GNAO1: variants seen among roughly 807,000 people sequenced by gnomAD.
GNAO1 encodes the protein G protein subunit alpha o1.
For missense variants in GNAO1, 166 were observed against 478.7 expected, an observed-to-expected ratio of 0.35 and a Z score of 6.10; for synonymous variants, 164 against 180.7, an observed-to-expected ratio of 0.91 and a Z score of 0.74.
chr16:56,192,723 C>T (rs1567432148), intron 2 of GNAO1, 107 bp downstream of exon 2: 1 of 621,060 alleles, frequency 1.6e-6, no homozygotes, highest in African/African-American at 2.4e-5. Context: ...TTTTTTAATT[C>T]GTGCACACAC....
intron 2 of GNAO1, among the ~76,000 whole-genome samples, chr16:56,212,523 C>T (rs1378694059): frequency 2.0e-5 from 3 of 152,130 alleles, no homozygotes; most frequent in Non-Finnish European, 4.4e-5. Flanking sequence ...TCTGAATCTG[C>T]GATGGCCCAG....
intron 2 of GNAO1, among the ~76,000 whole-genome samples, chr16:56,236,907 G>T (rs1158725926): frequency 6.6e-6 from 1 of 152,206 alleles, no homozygotes; most frequent in Non-Finnish European, 1.5e-5. Flanking sequence ...GTGTAGGATT[G>T]TGCATTTGGA....
At chr16:56,322,077 G>A (rs1324733660) in intron 3 of GNAO1, among the ~76,000 whole-genome samples, 1 of 152,178 alleles carries the variant, frequency 6.6e-6, no homozygotes, top group Non-Finnish European at 1.5e-5. Flanking sequence ...GGTGGAAGGG[G>A]TGTGGGTCTT....
At chr16:56,239,979 G>A (rs1171129154) in intron 2 of GNAO1, among the ~76,000 whole-genome samples, 1 of 152,212 alleles carries the variant, frequency 6.6e-6, no homozygotes, top group African/African-American at 2.4e-5. Flanking sequence ...ATGTTTATAG[G>A]TCAGGCTTTT....
chr16:56,344,271 G>A, intron 6 of GNAO1: 1 of 1,261,710 alleles, frequency 7.9e-7, no homozygotes, highest in Non-Finnish European at 1.0e-6. Context: ...CCCTGCACCT[G>A]ATGACTCACT....
At chr16:56,239,270 C>G (rs2036671420) in intron 2 of GNAO1, among the ~76,000 whole-genome samples, 1 of 152,232 alleles carries the variant, frequency 6.6e-6, no homozygotes, top group Non-Finnish European at 1.5e-5. Context: ...TGCCCACAAG[C>G]TTTGGCAGCA....
chr16:56,300,036 T>TGTGTGTGTGTGTGTGCGCGCGCGC (rs753591618), intron 3 of GNAO1, among the ~76,000 whole-genome samples: 2 of 95,112 alleles, frequency 2.1e-5, no homozygotes, highest in African/African-American at 9.5e-5. Flanking sequence ...TGTGTGTGTG[T>TGTGTGTGTGTGTGTGCGCGCGCGC]GCGCGCGCGC....
At chr16:56,327,586 G>C (rs2037648362) in intron 3 of GNAO1, among the ~76,000 whole-genome samples, 1 of 152,162 alleles carries the variant, frequency 6.6e-6, no homozygotes, top group African/African-American at 2.4e-5. Context: ...GATGTCTGCA[G>C]GAGCCTTCTT....
Position 56,357,285 on chromosome 16 carries a change from TAAAA to T in GNAO1, c.*1218_*1221del, listed in dbSNP as rs1247067146. ...ACACAAAAAATTAAAAAAAAAAACT[TAAAA>T]AAAAAAGGAAAAAAGAAAAAAAAGC... is the stretch of plus-strand genomic sequence containing the variant. On this transcript the variant is annotated 3_prime_UTR_variant, in exon 9 of 9. Transcript: ENST00000262493. The T allele has an allele frequency of 6.9e-6, 1 of 144,202 alleles. No individual in the cohort carries two copies. Among genetic ancestry groups the T allele is most frequent in the Non-Finnish European group, 1.5e-5 (1 of 65,326 alleles). 8.9% of individuals were successfully genotyped at this position (144,202 alleles called of 1,614,324 possible).
chr16:56,329,215 AAAT>A (rs1280787714), intron 4 of GNAO1: 3 of 155,950 alleles, frequency 1.9e-5, no homozygotes, highest in African/African-American at 7.2e-5. Context: ...ATTTTAGAAA[AAAT>A]AATAAGCTTT....
At chr16:56,280,324 A>G (rs368359010) in intron 3 of GNAO1, among the ~76,000 whole-genome samples, 1 of 152,156 alleles carries the variant, frequency 6.6e-6, no homozygotes, top group African/African-American at 2.4e-5. Flanking sequence ...GGAAAAAAAC[A>G]TGGTTGGTAA....
At position 56,192,334 on chromosome 16, in the gene GNAO1, C is replaced by A; in HGVS notation, c.99C>A (p.Asp33Glu). Residue 33 changes from aspartate to glutamate, a missense_variant, in exon 1 of 9, where the codon GAC becomes GAA. By Grantham distance (45) the Asp-to-Glu change is conservative. Transcript: ENST00000262493. ...LKEDGISAAK[D>E]VKLLLLGAGE... ...AGGATGGCATCAGCGCCGCCAAAGA[C>A]GTGAAATTACTCCTGCTCGGTAAGG... 1 of 1,597,216 alleles carries A rather than the reference C, an allele frequency of 6.3e-7. No homozygotes were observed. The highest frequency in any genetic ancestry group is 8.6e-7 in the Non-Finnish European group (1 of 1,165,634).
intron 3 of GNAO1, among the ~76,000 whole-genome samples, chr16:56,320,896 C>T (rs1373834598): frequency 5.9e-5 from 9 of 152,238 alleles, no homozygotes; most frequent in Non-Finnish European, 1.3e-4. Flanking sequence ...TGTCCATGAA[C>T]TCCTTACAGG....
chr16:56,206,700 C>G (rs2036333061), intron 2 of GNAO1, among the ~76,000 whole-genome samples: 1 of 152,116 alleles, frequency 6.6e-6, no homozygotes, highest in Non-Finnish European at 1.5e-5. Flanking sequence ...TTCAATAAAC[C>G]TGACTTACAA....
At chr16:56,255,292 A>G (rs1420633839) in intron 2 of GNAO1, among the ~76,000 whole-genome samples, 1 of 152,180 alleles carries the variant, frequency 6.6e-6, no homozygotes, top group African/African-American at 2.4e-5. Flanking sequence ...GTCAAGGAAA[A>G]ATGTTCTGCC....
At chr16:56,228,707 G>T (rs952634907) in intron 2 of GNAO1, among the ~76,000 whole-genome samples, 2 of 152,148 alleles carry the variant, frequency 1.3e-5, no homozygotes, top group Non-Finnish European at 2.9e-5. Context: ...CCCCAGTTCT[G>T]CTAACTCACT....
At chr16:56,209,904 C>G (rs1312817818) in intron 2 of GNAO1, among the ~76,000 whole-genome samples, 1 of 152,022 alleles carries the variant, frequency 6.6e-6, no homozygotes, top group African/African-American at 2.4e-5. Flanking sequence ...TTATAATCAC[C>G]CAAAGTTCAT....
chr16:56,321,406 G>C (rs2143631601), intron 3 of GNAO1, among the ~76,000 whole-genome samples: 1 of 152,310 alleles, frequency 6.6e-6, no homozygotes, highest in South Asian at 2.1e-4. Flanking sequence ...TGCACACTCA[G>C]AGGGGGCCTC....
At chr16:56,263,745 T>TGACC (rs1373872650) in intron 2 of GNAO1, among the ~76,000 whole-genome samples, 1 of 152,194 alleles carries the variant, frequency 6.6e-6, no homozygotes, top group African/African-American at 2.4e-5. Flanking sequence ...GACATAGATA[T>TGACC]GACCGTGACC....
Sources: gnomAD v4.1 joint callset for allele counts (sites outside exome capture counted in the v4.1 genomes callset) on GRCh38, gnomAD v4.1.1 for gene constraint, MANE v1.5 for transcripts, NCBI Gene and HGNC (gene_info 2026-07-23, HGNC 2026-07-21) for gene names.